PTBP3: variants seen among roughly 807,000 people sequenced by gnomAD.
The protein encoded by PTBP3 is polypyrimidine tract binding protein 3.
In PTBP3, 20 loss-of-function variants were observed where a neutral mutation model predicts 58.7. The ratio of observed to expected loss-of-function variants is 0.34; its 90% CI spans 0.24 to 0.50. The LOEUF is 0.50. Ranked by LOEUF, PTBP3 falls within the 20% of genes least tolerant of loss-of-function variation. The pLI, the probability that PTBP3 is intolerant of heterozygous loss-of-function variation, is 0.98. For missense variants in PTBP3, 509 were observed against 637.2 expected (o/e 0.80, Z 2.17); for synonymous variants, 185 against 219.8 (o/e 0.84, Z 1.40).
rs1389062465 is a variant in PTBP3 at position 112,262,577 on chromosome 9, G to C, written c.374C>G (p.Ala125Gly). ...NQARAQAALQ[A>G]VSAVQSGSLA... Reference sequence around the variant, plus strand: ...GCTTCCTGATTGGACGGCACTGACAGCCTGCAGTGCAGCTTGGGCTCGCTA... The same window carrying C: ...GCTTCCTGATTGGACGGCACTGACACCCTGCAGTGCAGCTTGGGCTCGCTA... Residue 125 changes from alanine (A) to glycine (G), a missense_variant, in exon 5 of 14, where the codon GCT becomes GGT. Physicochemically the swap from Ala to Gly is moderately conservative, Grantham distance 60 (BLOSUM62 0). Transcript: ENST00000374257. 6.2e-7 allele frequency: 1 copy of C among 1,604,362 alleles called. No individual in the cohort carries two copies.
chr9:112,275,698 C>G (rs1322828831), intron 3 of PTBP3, 146 bp downstream of exon 3: 23 of 628,730 alleles, frequency 3.7e-5, no homozygotes, highest in Non-Finnish European at 5.0e-5. Context: ...CCTGTTACAC[C>G]CCCCCAAAAA....
At chr9:112,262,357 C>A in intron 5 of PTBP3, 78 bp downstream of exon 5, 1 of 1,203,476 alleles carries the variant, frequency 8.3e-7, no homozygotes, top group South Asian at 1.7e-5. Context: ...ATAAGCTAAA[C>A]AACTTAGATA....
At chr9:112,266,603 T>C (rs12005203) in intron 4 of PTBP3, among the ~76,000 whole-genome samples, 2,565 of 152,220 alleles carry the variant, frequency 0.017, 83 homozygotes, top group African/African-American at 0.059. Context: ...CAAAAAGAAA[T>C]TGGACGAATT....
chr9:112,290,666 T>G (rs554172649), intron 2 of PTBP3, among the ~76,000 whole-genome samples: 1 of 114,970 alleles, frequency 8.7e-6, no homozygotes, highest in African/African-American at 3.3e-5. Context: ...AGTCAGACTC[T>G]GTCTTTAAAA....
chr9:112,300,298 A>G (rs77525556), intron 1 of PTBP3, among the ~76,000 whole-genome samples: 4,341 of 152,326 alleles, frequency 0.028, 107 homozygotes, highest in Non-Finnish European at 0.045. Context: ...GACATATAAG[A>G]TTGTCTTCAG....
chr9:112,280,547 T>C (rs2132228717), intron 2 of PTBP3, among the ~76,000 whole-genome samples: 1 of 152,314 alleles, frequency 6.6e-6, no homozygotes, highest in East Asian at 1.9e-4. Flanking sequence ...AGGTTGAAAA[T>C]GTTCCCTTCT....
At chr9:112,327,488 A>C (rs944229473) in intron 1 of PTBP3, among the ~76,000 whole-genome samples, 6 of 152,192 alleles carry the variant, frequency 3.9e-5, no homozygotes, top group African/African-American at 1.4e-4. Flanking sequence ...TGAACCCAGG[A>C]GGTGGAGATT....
At chr9:112,296,652 G>T (rs566909596) in intron 2 of PTBP3, among the ~76,000 whole-genome samples, 3 of 152,106 alleles carry the variant, frequency 2.0e-5, no homozygotes, top group Admixed American at 1.3e-4. Flanking sequence ...TTTCTTTCAT[G>T]ATGTTGAGAC....
intron 1 of PTBP3, among the ~76,000 whole-genome samples, chr9:112,307,423 G>A (rs1829267701): frequency 6.6e-6 from 1 of 152,022 alleles, no homozygotes; most frequent in South Asian, 2.1e-4. Context: ...CTGCACTCTG[G>A]CCTGGGTGAC....
At chr9:112,354,637 C>T in the PTBP3 span, among the ~76,000 whole-genome samples, 1 of 151,996 alleles carries the variant, frequency 6.6e-6, no homozygotes, top group African/African-American at 2.4e-5. Context: ...GAGGATGACA[C>T]CTACAAAAAT....
the PTBP3 span, among the ~76,000 whole-genome samples, chr9:112,357,918 T>G: frequency 6.6e-6 from 1 of 152,158 alleles, no homozygotes; most frequent in Admixed American, 6.5e-5. Context: ...GGGTGATGGT[T>G]GCACAACAAT....
At chr9:112,256,346 ATATT>A (rs1271122800) in intron 5 of PTBP3, among the ~76,000 whole-genome samples, 2 of 146,794 alleles carry the variant, frequency 1.4e-5, no homozygotes, top group East Asian at 2.0e-4. Flanking sequence ...ACTGTACTAT[ATATT>A]TATTTATATA....
intron 3 of PTBP3, among the ~76,000 whole-genome samples, chr9:112,273,636 T>C (rs1827482371): frequency 6.6e-6 from 1 of 152,216 alleles, no homozygotes; most frequent in South Asian, 2.1e-4. Context: ...TAGAGTCCAG[T>C]AATTATTTAC....
the PTBP3 span, among the ~76,000 whole-genome samples, chr9:112,346,709 A>C: frequency 6.6e-6 from 1 of 152,210 alleles, no homozygotes; most frequent in Non-Finnish European, 1.5e-5. Context: ...AGACATACAC[A>C]CTTTAGCAAT....
chr9:112,367,416 AGGTTTTTTTGTTTGTGTTTTG>A, the PTBP3 span, among the ~76,000 whole-genome samples: 1 of 152,082 alleles, frequency 6.6e-6, no homozygotes, highest in Non-Finnish European at 1.5e-5. Context: ...GAACTCCCAC[AGGTTTTTTTGTTTGTGTTTTG>A]GGTTTTTTTG....
chr9:112,294,049 T>A (rs577771026), intron 2 of PTBP3, among the ~76,000 whole-genome samples: 1 of 152,272 alleles, frequency 6.6e-6, no homozygotes, highest in East Asian at 1.9e-4. Flanking sequence ...AGGCATGCAA[T>A]AATGGGTCAA....
chr9:112,243,433 T>C (rs1835741929), intron 7 of PTBP3, among the ~76,000 whole-genome samples: 1 of 152,024 alleles, frequency 6.6e-6, no homozygotes, highest in Admixed American at 6.6e-5. Context: ...TCCCAGCTAC[T>C]CAGGAGGCCG....
intron 5 of PTBP3, among the ~76,000 whole-genome samples, chr9:112,258,952 A>AT (rs995195561): frequency 1.3e-5 from 2 of 152,026 alleles, no homozygotes; most frequent in Non-Finnish European, 2.9e-5. Flanking sequence ...TATACAGCTT[A>AT]TTTTTTTGGA....
intron 1 of PTBP3, among the ~76,000 whole-genome samples, chr9:112,314,980 C>T (rs542314164): frequency 2.0e-5 from 3 of 152,164 alleles, no homozygotes; most frequent in South Asian, 4.1e-4. Context: ...TACAGGCACA[C>T]GCTGCCATGC....
Sources: allele counts gnomAD v4.1 joint callset (sites outside exome capture counted in the v4.1 genomes callset), GRCh38; gene constraint gnomAD v4.1.1; transcripts MANE v1.5; gene names NCBI Gene and HGNC (gene_info 2026-07-23, HGNC 2026-07-21).